The following JADE2 variants were observed in gnomAD, a reference collection of about 807,000 sequenced individuals.
The protein encoded by JADE2 is jade family PHD finger 2.
Under a neutral mutation model 85.7 loss-of-function variants are expected in JADE2, and 13 were observed. The observed-to-expected ratio is 0.15, with a 90% CI of 0.10 to 0.24. The LOEUF is 0.24. Ranked by LOEUF, JADE2 falls within the 10% of genes least tolerant of loss-of-function variation. The pLI is 1.00. For missense variants in JADE2, 846 were observed against 1,115.9 expected, an observed-to-expected ratio of 0.76 and a Z score of 3.45; for synonymous variants, 440 against 456.1, an observed-to-expected ratio of 0.96 and a Z score of 0.45.
chr5:134,533,764 T>C (rs955803153), intron 1 of JADE2, among the ~76,000 whole-genome samples: 61 of 121,718 alleles, frequency 5.0e-4, no homozygotes, highest in Non-Finnish European at 7.2e-4. Flanking sequence ...TTTTTTTTTT[T>C]GAGATAAGGT....
intron 3 of JADE2, among the ~76,000 whole-genome samples, chr5:134,546,688 A>G (rs1180556869): frequency 3.3e-5 from 5 of 152,026 alleles, no homozygotes; most frequent in Admixed American, 3.3e-4. Context: ...GAATCGCTGG[A>G]ACCTGGGAGG....
chr5:134,539,607 G>T (rs182740292), intron 3 of JADE2, among the ~76,000 whole-genome samples: 102 of 152,366 alleles, frequency 6.7e-4, no homozygotes, highest in African/African-American at 2.4e-3. Flanking sequence ...TCTCAGTCCT[G>T]TTGAAAATAA....
intron 10 of JADE2, 153 bp downstream of exon 10, chr5:134,573,915 G>T: frequency 2.8e-6 from 2 of 726,278 alleles, no homozygotes; most frequent in Non-Finnish European, 2.5e-6. Context: ...CATCCAATTA[G>T]TAGGCCCAGA....
rs1760786278 is a variant in JADE2 at position 134,526,007 on chromosome 5, G to GC, written c.-4dup. ...GCGCCCGTCAGGGGGGCACCGCGGA[G>GC]CAAGGTAAGATCCAGCCCCCGGCGG... On this transcript the variant is annotated 5_prime_UTR_variant, in exon 1 of 12. Coordinates refer to ENST00000681547, the MANE Select transcript of JADE2 (RefSeq NM_001388185.1). 1.0e-6 allele frequency: 1 copy of GC among 985,388 alleles called. No individual in the cohort carries two copies. Among genetic ancestry groups the GC allele is most frequent in the African/African-American group, 1.7e-5 (1 of 57,228 alleles). 61.0% of individuals were successfully genotyped at this position (985,388 alleles called of 1,614,324 possible).
At position 134,577,013 on chromosome 5, in the gene JADE2, C is replaced by A. The variant is rs141315328; in HGVS notation, c.1681+117C>A. On this transcript the variant is annotated intron_variant, in intron 11 of 11. Transcript: ENST00000681547. ...AGAGTAGGAGACTGAGGCTCAAGAG[C>A]GGTAACCAGGCCCTTGCTTGCCCAG... The A allele has an allele frequency of 7.2e-6, 9 of 1,252,986 alleles. No homozygotes were observed. In the African/African-American group the frequency reaches 1.1e-4, roughly 15 times the overall value. 77.6% of individuals were successfully genotyped at this position (1,252,986 alleles called of 1,614,324 possible). A position where few individuals can be genotyped will look rare whatever the true frequency, so the allele number is the denominator to read the frequency against.
chr5:134,531,332 G>A (rs994345046), intron 1 of JADE2, among the ~76,000 whole-genome samples: 1 of 152,204 alleles, frequency 6.6e-6, no homozygotes, highest in Non-Finnish European at 1.5e-5. Flanking sequence ...GCCAGATTGT[G>A]TAGGGTCTTG....
In JADE2 at chr5:134,566,231, A is replaced by G; in HGVS notation, c.1085A>G (p.Gln362Arg). ...NDEVKFKSFC[Q>R]EHSDGGPRNE... ...GAGGTCAAGTTCAAGTCATTCTGCC[A>G]GGAGCACAGTGACGGGGGCCCACGT... The change falls in exon 9 of 12, where the codon CAG (glutamine) becomes CGG (arginine). Residue 362 changes from glutamine (Q) to arginine (R), a missense_variant. Around this residue, in one of 9 missense-constraint regions of JADE2, gnomAD observed 39 missense variants for 37.6 expected, o/e 1.04. Coordinates refer to ENST00000681547, the MANE Select transcript of JADE2 (RefSeq NM_001388185.1). The surrounding 1 kb of genome is among the most constrained non-coding windows in gnomAD (Gnocchi z 6.7). 1 of 1,614,192 alleles carries G rather than the reference A, an allele frequency of 6.2e-7. No individual in the cohort carries two copies. The highest frequency in any genetic ancestry group is 8.5e-7 in the Non-Finnish European group (1 of 1,180,038).
At chr5:134,527,180 G>T (rs1037877694) in intron 1 of JADE2, among the ~76,000 whole-genome samples, 1 of 149,244 alleles carries the variant, frequency 6.7e-6, no homozygotes, top group Non-Finnish European at 1.5e-5. Flanking sequence ...CCCCGGCAGT[G>T]GCATCTTCCC....
Position 134,560,377 on chromosome 5 carries a change from G to T in JADE2, c.473-369G>T, listed in dbSNP as rs1423590648. On this transcript the variant is annotated intron_variant, in intron 5 of 11. Transcript: ENST00000681547. ...AGCCCAATAATGTGTCCCAGGAAGG[G>T]TTAACTCGACCCTATTCAGCCACAC... Among the ~76,000 whole-genome samples, 5 of 152,140 alleles carry T rather than the reference G, an allele frequency of 3.3e-5. No individual in the cohort carries two copies. In the East Asian group the frequency reaches 9.6e-4, roughly 29 times the overall value.
intron 1 of JADE2, chr5:134,533,662 T>A (rs1761390578): frequency 8.0e-6 from 6 of 745,698 alleles, no homozygotes; most frequent in Non-Finnish European, 9.8e-6. Context: ...TGCGCTGGGC[T>A]GGGCTGAGCT....
Position 134,579,463 on chromosome 5 carries a change from G to A in JADE2, c.*146G>A, listed in dbSNP as rs1458989210. ...TGGTTTTATTTTTAATATAGAGAGAGTTTTGAATTCTACACTGTTGTCTTT... is the reference window on the plus strand; with the variant it reads ...TGGTTTTATTTTTAATATAGAGAGAATTTTGAATTCTACACTGTTGTCTTT... On this transcript the variant is annotated 3_prime_UTR_variant, in exon 12 of 12. Coordinates refer to ENST00000681547, the MANE Select transcript of JADE2 (RefSeq NM_001388185.1). This position sits in a 1 kb window ranked among gnomAD's most constrained non-coding sequence, Gnocchi z 4.6. 2 of 638,030 alleles carry A rather than the reference G, an allele frequency of 3.1e-6. No homozygotes were observed. The highest frequency in any genetic ancestry group is 5.5e-5 in the East Asian group (2 of 36,428). 39.5% of individuals were successfully genotyped at this position (638,030 alleles called of 1,614,324 possible). A position where few individuals can be genotyped will look rare whatever the true frequency, so the allele number is the denominator to read the frequency against.
chr5:134,525,352 G>A (rs1239942236), upstream of JADE2, among the ~76,000 whole-genome samples: 2 of 151,912 alleles, frequency 1.3e-5, no homozygotes, highest in African/African-American at 4.8e-5. Context: ...CTGGGGACAG[G>A]GCGGGCTAGG....
intron 4 of JADE2, among the ~76,000 whole-genome samples, chr5:134,559,416 C>G (rs1343109027): frequency 6.6e-6 from 1 of 152,186 alleles, no homozygotes; most frequent in Non-Finnish European, 1.5e-5. Flanking sequence ...GGGCATTGCC[C>G]ATGATGGCAC....
Position 134,525,878 on chromosome 5 carries a change from G to T in JADE2, c.-134G>T. 1.3e-5 allele frequency: 13 copies of T among 987,146 alleles called. No homozygotes were observed. The highest frequency in any genetic ancestry group is 1.6e-5 in the Non-Finnish European group (13 of 831,170). The allele number at this position is 987,146 out of a possible 1,614,324, so 61.1% of individuals were successfully genotyped here. A position where few individuals can be genotyped will look rare whatever the true frequency, so the allele number is the denominator to read the frequency against. On this transcript the variant is annotated 5_prime_UTR_variant, in exon 1 of 12. Coordinates refer to ENST00000681547, the MANE Select transcript of JADE2 (RefSeq NM_001388185.1). ...CGGCCGCCTCCCTCGCCGCGACCCC[G>T]GATGGATGCGCGCCCCCCGCCCTCC...
intron 2 of JADE2, among the ~76,000 whole-genome samples, chr5:134,536,165 T>C (rs1320381909): frequency 6.6e-6 from 1 of 152,210 alleles, no homozygotes; most frequent in African/African-American, 2.4e-5. Context: ...CCAGCTCCAT[T>C]TGTTTTGCTC....
In JADE2 at chr5:134,562,705, A is replaced by T. The variant is rs532607402; in HGVS notation, c.852+338A>T. Among the ~76,000 whole-genome samples the T allele has an allele frequency of 6.6e-6, 1 of 152,342 alleles. No homozygotes were observed. Among genetic ancestry groups the T allele is most frequent in the East Asian group, 1.9e-4 (1 of 5,190 alleles). On this transcript the variant is annotated intron_variant, in intron 7 of 11. Transcript: ENST00000681547. This position sits in a 1 kb window ranked among gnomAD's most constrained non-coding sequence, Gnocchi z 4.6. ...CTTGAACCTGGGAGTTGGAGGTTGC[A>T]GTGAACCGAGATCGCACCACTGCAC...
chr5:134,533,900 C>T (rs1368832779), intron 1 of JADE2, among the ~76,000 whole-genome samples: 1 of 152,126 alleles, frequency 6.6e-6, no homozygotes, highest in African/African-American at 2.4e-5. Context: ...GCATGTGCCA[C>T]TACAACTGGC....
rs1328091284 is a variant in JADE2, at chr5:134,580,293, CTTT to C, written c.*978_*980del. ...CAAGATGAGCTTCTTCCGTGGTTTC[CTTT>C]TGGAAACTCCTCCTTCCAACAAGCA... On this transcript the variant is annotated 3_prime_UTR_variant, in exon 12 of 12. Coordinates refer to ENST00000681547, the MANE Select transcript of JADE2 (RefSeq NM_001388185.1). 1.3e-5 allele frequency: 2 copies of C among 152,774 alleles called. No individual in the cohort carries two copies. Among genetic ancestry groups the C allele is most frequent in the Non-Finnish European group, 2.9e-5 (2 of 68,148 alleles). The allele number at this position is 152,774 out of a possible 1,614,324, so 9.5% of individuals were successfully genotyped here. A position where few individuals can be genotyped will look rare whatever the true frequency, so the allele number is the denominator to read the frequency against.
intron 11 of JADE2, 95 bp downstream of exon 11, chr5:134,576,991 G>A: frequency 2.9e-6 from 4 of 1,390,656 alleles, no homozygotes; most frequent in Non-Finnish European, 3.8e-6. Context: ...GCTGCACAGA[G>A]TAGGAGACTG....
Sources: gnomAD v4.1 joint callset for allele counts (sites outside exome capture counted in the v4.1 genomes callset) on GRCh38, gnomAD v4.1.1 for gene constraint, gnomAD v4.1.1 regional missense constraint, Gnocchi (gnomAD v3.1) non-coding constraint, MANE v1.5 for transcripts, NCBI Gene and HGNC (gene_info 2026-07-23, HGNC 2026-07-21) for gene names.